CHN2: variants seen among roughly 807,000 people sequenced by gnomAD.
CHN2 encodes the protein beta-chimaerin.
A neutral mutation model predicts 56.3 loss-of-function variants in CHN2; 35 were observed. The observed-to-expected ratio is 0.62, with a 90% CI of 0.47 to 0.82. The LOEUF (loss-of-function observed/expected upper bound fraction) is 0.82. CHN2 is among the 40% of genes least tolerant of loss of function. CHN2 has a pLI of 0.00. For missense variants in CHN2, 491 were observed against 580.5 expected (o/e 0.85, Z 1.58); for synonymous variants, 210 against 212.8 (o/e 0.99, Z 0.12).
intron 1 of CHN2, among the ~76,000 whole-genome samples, chr7:29,298,796 A>C (rs1562899559): frequency 6.6e-6 from 1 of 152,178 alleles, no homozygotes; most frequent in African/African-American, 2.4e-5. Flanking sequence ...AAAACTACTA[A>C]TGAGTTTAGA....
At chr7:29,312,304 A>C (rs1794656930) in intron 1 of CHN2, among the ~76,000 whole-genome samples, 1 of 151,746 alleles carries the variant, frequency 6.6e-6, no homozygotes, top group Non-Finnish European at 1.5e-5. Context: ...TTCCTACCTC[A>C]TTCTCTCCCT....
chr7:29,156,708 G>A (rs890770974), intron 2 of CHN2, among the ~76,000 whole-genome samples: 1 of 152,126 alleles, frequency 6.6e-6, no homozygotes. Context: ...GTATGAAAGC[G>A]ACTATGTATT....
intron 7 of CHN2, among the ~76,000 whole-genome samples, chr7:29,491,418 TGTGA>T (rs3048046): frequency 0.15 from 22,036 of 151,970 alleles, 2,909 homozygotes; most frequent in African/African-American, 0.35. Context: ...TTTGTGTGTG[TGTGA>T]GAGAGAGAGA....
chr7:29,150,530 C>T (rs928277061), intron 2 of CHN2, among the ~76,000 whole-genome samples: 3 of 152,142 alleles, frequency 2.0e-5, no homozygotes, highest in South Asian at 4.1e-4. Context: ...TCCTTAAATT[C>T]CAGTTAAGAA....
chr7:29,424,362 A>G, intron 6 of CHN2, among the ~76,000 whole-genome samples: 1 of 152,124 alleles, frequency 6.6e-6, no homozygotes, highest in East Asian at 1.9e-4. Flanking sequence ...TTAAATAGGA[A>G]TTTGGTCCCT....
intron 1 of CHN2, among the ~76,000 whole-genome samples, chr7:29,320,424 G>A (rs753674756): frequency 2.6e-5 from 4 of 152,158 alleles, no homozygotes; most frequent in Non-Finnish European, 5.9e-5. Flanking sequence ...CCTTGCAAAG[G>A]TTTGCCAGGG....
chr7:29,513,985 T>C lies in CHN2; in HGVS notation c.*1250T>C, dbSNP rs1171300274. On this transcript the variant is annotated 3_prime_UTR_variant, in exon 13 of 13. Transcript: ENST00000222792. ...TTTAAAAAATCCAACTGCAATGTCT[T>C]TTCCTTTGATTGAGATGATTTGTGT... is the stretch of plus-strand genomic sequence containing the variant. 1 of 152,642 alleles carries C rather than the reference T, an allele frequency of 6.6e-6. No homozygotes were observed. The highest frequency in any genetic ancestry group is 1.5e-5 in the Non-Finnish European group (1 of 68,036). 9.5% of individuals were successfully genotyped at this position (152,642 alleles called of 1,614,324 possible).
intron 1 of CHN2, among the ~76,000 whole-genome samples, chr7:29,219,565 C>T (rs1785609306): frequency 6.6e-6 from 1 of 151,700 alleles, no homozygotes; most frequent in African/African-American, 2.4e-5. Context: ...ATACAGATAA[C>T]CAATTGTAGT....
intron 6 of CHN2, among the ~76,000 whole-genome samples, chr7:29,440,066 G>T (rs903121794): frequency 6.6e-6 from 1 of 152,190 alleles, no homozygotes; most frequent in African/African-American, 2.4e-5. Context: ...TAAAGAAAGC[G>T]AGACTCCTAG....
chr7:29,302,250 T>TCTG (rs1404177595), intron 1 of CHN2, among the ~76,000 whole-genome samples: 1 of 147,000 alleles, frequency 6.8e-6, no homozygotes, highest in African/African-American at 2.6e-5. Context: ...TTCTGCTTCT[T>TCTG]CTGCTGCTGC....
chr7:29,196,290 T>C (rs529064057), intron 1 of CHN2, among the ~76,000 whole-genome samples: 2 of 152,202 alleles, frequency 1.3e-5, no homozygotes, highest in African/African-American at 2.4e-5. Context: ...TCCTGGGAAA[T>C]GGCACTTCCT....
At chr7:29,303,312 G>A (rs903650077) in intron 1 of CHN2, among the ~76,000 whole-genome samples, 6 of 151,932 alleles carry the variant, frequency 3.9e-5, no homozygotes, top group South Asian at 2.1e-4. Context: ...TTGATGCGCC[G>A]CCTTTGGGGC....
chr7:29,462,256 T>C (rs1785221812), intron 6 of CHN2, among the ~76,000 whole-genome samples: 2 of 152,014 alleles, frequency 1.3e-5, no homozygotes, highest in Non-Finnish European at 2.9e-5. Context: ...ACTTCAGGAG[T>C]GGAAAGGGCT....
chr7:29,206,942 G>C (rs1160210861), intron 1 of CHN2, among the ~76,000 whole-genome samples: 2 of 152,188 alleles, frequency 1.3e-5, no homozygotes, highest in African/African-American at 4.8e-5. Context: ...GCGGCTGAGA[G>C]GTTTGGAGTG....
chr7:29,471,872 C>T (rs1012829087), intron 6 of CHN2, among the ~76,000 whole-genome samples: 2 of 152,140 alleles, frequency 1.3e-5, no homozygotes, highest in Non-Finnish European at 2.9e-5. Context: ...CGGCAGGTCC[C>T]ACCCTGATCT....
At chr7:29,507,744 TG>T (rs1249716924) in intron 11 of CHN2, among the ~76,000 whole-genome samples, 5 of 99,826 alleles carry the variant, frequency 5.0e-5, no homozygotes, top group Admixed American at 2.0e-4. Context: ...GGAAGAAGAA[TG>T]ATTGTCTTGG....
At chr7:29,423,732 T>A (rs1475759286) in intron 6 of CHN2, among the ~76,000 whole-genome samples, 1 of 152,242 alleles carries the variant, frequency 6.6e-6, no homozygotes, top group Non-Finnish European at 1.5e-5. Flanking sequence ...ATTCAGCCAG[T>A]TCAGGGATTC....
At chr7:29,250,854 G>C (rs1788449040) in intron 1 of CHN2, among the ~76,000 whole-genome samples, 1 of 147,004 alleles carries the variant, frequency 6.8e-6, no homozygotes, top group South Asian at 2.1e-4. Flanking sequence ...GGGATTACAG[G>C]CACCCGCCAC....
At position 29,195,106 on chromosome 7, in the gene CHN2, T is replaced by C. The variant is rs373928136; in HGVS notation, c.49+116T>C. 8.0e-6 allele frequency: 9 copies of C among 1,127,356 alleles called. No homozygotes were observed. In the African/African-American group the frequency reaches 1.1e-4, roughly 14 times the overall value. The allele number at this position is 1,127,356 out of a possible 1,614,324, so 69.8% of individuals were successfully genotyped here. ...GGCCATCCCGCCCGCTCTCTCGGAA[T>C]GGGGGCAGGCGTCCGGGGTGATACT... is the stretch of plus-strand genomic sequence containing the variant. On this transcript the variant is annotated intron_variant, in intron 1 of 12. Transcript: ENST00000222792.
Sources: allele counts gnomAD v4.1 joint callset (sites outside exome capture counted in the v4.1 genomes callset), GRCh38; gene constraint gnomAD v4.1.1; transcripts MANE v1.5; gene names NCBI Gene and HGNC (gene_info 2026-07-23, HGNC 2026-07-21).